The following P3H2 variants were observed in gnomAD, a reference collection of about 807,000 sequenced individuals.
P3H2 encodes leprecan-like 1.
Under a neutral mutation model 87.0 loss-of-function variants are expected in P3H2, and 80 were observed. That is an observed-to-expected ratio of 0.92 (90% CI 0.77 to 1.11). The LOEUF is 1.11. P3H2 is among the 50% of genes least tolerant of loss of function. The pLI, the probability that P3H2 is intolerant of heterozygous loss-of-function variation, is 0.00. For missense variants in P3H2, 1,001 were observed against 923.9 expected (o/e 1.08, Z -1.08); for synonymous variants, 367 against 359.3 (o/e 1.02, Z -0.24).
intron 1 of P3H2, 30 bp downstream of exon 1, chr3:190,120,222 C>T (rs1161614456): frequency 6.2e-7 from 1 of 1,603,178 alleles, no homozygotes; most frequent in Non-Finnish European, 8.5e-7. Context: ...GCCGCAGGGG[C>T]TTTGCAGTGG....
intron 8 of P3H2, among the ~76,000 whole-genome samples, chr3:189,975,707 TGATGTCTAC>T (rs1560344552): frequency 6.6e-6 from 1 of 152,170 alleles, no homozygotes; most frequent in African/African-American, 2.4e-5. Flanking sequence ...CAATTGAAAT[TGATGTCTAC>T]TTTATAAAAT....
chr3:189,997,805 C>A (rs1333644761), intron 1 of P3H2, among the ~76,000 whole-genome samples: 2 of 152,176 alleles, frequency 1.3e-5, no homozygotes, highest in South Asian at 4.1e-4. Context: ...CTTTAATCTT[C>A]TCAATCTCTT....
intron 13 of P3H2, among the ~76,000 whole-genome samples, chr3:189,966,127 G>GAAAGAA (rs1560339024): frequency 2.9e-5 from 1 of 34,498 alleles, no homozygotes; most frequent in Non-Finnish European, 6.1e-5. Flanking sequence ...GAAAGAAAAA[G>GAAAGAA]AAAGAAAGAA....
At chr3:190,042,205 T>C (rs2108955510) in intron 1 of P3H2, among the ~76,000 whole-genome samples, 1 of 152,354 alleles carries the variant, frequency 6.6e-6, no homozygotes, top group Middle Eastern at 3.4e-3. Flanking sequence ...GAATAGGAAG[T>C]TGAGATTCTG....
At chr3:190,007,882 C>G (rs1365214517) in intron 1 of P3H2, among the ~76,000 whole-genome samples, 11 of 146,564 alleles carry the variant, frequency 7.5e-5, no homozygotes, top group African/African-American at 2.8e-4. Flanking sequence ...ATTTTTCAAA[C>G]TCTTTCGGCC....
chr3:190,046,706 A>T (rs981764957), intron 1 of P3H2, among the ~76,000 whole-genome samples: 7 of 152,222 alleles, frequency 4.6e-5, no homozygotes, highest in African/African-American at 1.7e-4. Flanking sequence ...AAAATTTGTA[A>T]TTGAACCACA....
chr3:190,004,531 C>T (rs931156776), intron 1 of P3H2, among the ~76,000 whole-genome samples: 35 of 150,980 alleles, frequency 2.3e-4, no homozygotes, highest in Non-Finnish European at 3.3e-4. Flanking sequence ...TACAGGCGCC[C>T]GCCTCCACGC....
intron 14 of P3H2, among the ~76,000 whole-genome samples, chr3:189,962,132 C>T (rs1305479427): frequency 6.9e-6 from 1 of 145,704 alleles, no homozygotes; most frequent in African/African-American, 2.6e-5. Context: ...GTCCTTTTGT[C>T]AGGGCCTTTC....
At position 190,004,769 on chromosome 3, in the gene P3H2, T is replaced by C. The variant is rs79276818; in HGVS notation, c.481-9327A>G. ...CTTTAGGATACAAAAACAAATTTTG[T>C]TGTGATAACACTTGACTCATATTTT... On this transcript the variant is annotated intron_variant, in intron 1 of 14. Coordinates refer to ENST00000319332, the MANE Select transcript of P3H2 (RefSeq NM_018192.4). Among the ~76,000 whole-genome samples, 642 of 152,234 alleles carry C rather than the reference T, an allele frequency of 4.2e-3. 2 individuals are homozygous for C. Among genetic ancestry groups the C allele is most frequent in the African/African-American group, 0.014 (593 of 41,540 alleles).
intron 1 of P3H2, among the ~76,000 whole-genome samples, chr3:190,031,138 C>T (rs969488030): frequency 2.8e-4 from 43 of 152,010 alleles, no homozygotes; most frequent in African/African-American, 1.0e-3. Context: ...ATACTAAATG[C>T]TCTAAAATAA....
intron 6 of P3H2, 66 bp from the exon 7 acceptor site, chr3:189,984,656 A>G: frequency 8.9e-7 from 1 of 1,128,174 alleles, no homozygotes; most frequent in East Asian, 2.4e-5. Context: ...TTACAGAATT[A>G]AGATAAAATA....
intron 7 of P3H2, 59 bp downstream of exon 7, chr3:189,984,491 G>T: frequency 8.4e-7 from 1 of 1,195,708 alleles, no homozygotes; most frequent in Non-Finnish European, 1.3e-6. Flanking sequence ...TCTATGATAG[G>T]TTATGACACT....
chr3:190,014,929 G>A (rs926185977), intron 1 of P3H2, among the ~76,000 whole-genome samples: 38 of 152,134 alleles, frequency 2.5e-4, no homozygotes, highest in African/African-American at 8.5e-4. Flanking sequence ...GCAACCTGTC[G>A]AGTGACCTTA....
At chr3:190,095,391 C>T (rs1346868189) in intron 1 of P3H2, among the ~76,000 whole-genome samples, 1 of 134,142 alleles carries the variant, frequency 7.5e-6, no homozygotes, top group Non-Finnish European at 1.6e-5. Flanking sequence ...CCTATATCTA[C>T]ACCAAGAAGA....
At chr3:190,023,122 A>G (rs543329440) in intron 1 of P3H2, among the ~76,000 whole-genome samples, 37 of 152,264 alleles carry the variant, frequency 2.4e-4, no homozygotes, top group South Asian at 8.3e-4. Flanking sequence ...CACCACGCCC[A>G]GCCAAAATAT....
At chr3:189,988,087 T>C (rs1723762019) in intron 4 of P3H2, among the ~76,000 whole-genome samples, 1 of 152,204 alleles carries the variant, frequency 6.6e-6, no homozygotes, top group Admixed American at 6.5e-5. Flanking sequence ...ATAAGTGCTT[T>C]TAAAATGTTA....
chr3:190,053,100 A>C (rs942057810), intron 1 of P3H2, among the ~76,000 whole-genome samples: 4 of 152,216 alleles, frequency 2.6e-5, no homozygotes, highest in Non-Finnish European at 5.9e-5. Flanking sequence ...TGAATAGCCG[A>C]GTAGTATTCC....
chr3:190,082,752 A>G (rs2108980407), intron 1 of P3H2, among the ~76,000 whole-genome samples: 1 of 152,348 alleles, frequency 6.6e-6, no homozygotes, highest in African/African-American at 2.4e-5. Context: ...TGCTTTGCAT[A>G]GAGTATTGAG....
At chr3:190,104,411 T>C (rs943650219) in intron 1 of P3H2, among the ~76,000 whole-genome samples, 1 of 151,782 alleles carries the variant, frequency 6.6e-6, no homozygotes, top group East Asian at 1.9e-4. Flanking sequence ...AACTAGAGAG[T>C]GAGGGAAGAA....
Sources: allele counts gnomAD v4.1 joint callset (sites outside exome capture counted in the v4.1 genomes callset), GRCh38; gene constraint gnomAD v4.1.1; transcripts MANE v1.5; gene names NCBI Gene and HGNC (gene_info 2026-07-23, HGNC 2026-07-21).